RPS6: variants seen among roughly 807,000 people sequenced by gnomAD.
RPS6 encodes the protein ribosomal protein S6, also known as small ribosomal subunit protein eS6.
Under a neutral mutation model 27.1 loss-of-function variants are expected in RPS6, and 1 was observed. That is an observed-to-expected ratio of 0.04 (90% CI 0.01 to 0.18). The LOEUF (loss-of-function observed/expected upper bound fraction) is 0.18, where lower values mean the gene tolerates loss of function less well. Ranked by LOEUF, RPS6 falls within the 10% of genes least tolerant of loss-of-function variation. The probability of loss-of-function intolerance (pLI) is 1.00; values close to 1 mark genes in which losing one functional copy is unlikely to be tolerated. For missense variants in RPS6, 259 were observed against 319.1 expected (o/e 0.81, Z 1.44); for synonymous variants, 152 against 106.0 (o/e 1.43, Z -2.66).
At chr9:19,376,766 A>G (rs1337866527) in intron 4 of RPS6, 115 bp from the exon 5 acceptor site, 5 of 972,318 alleles carry the variant, frequency 5.1e-6, no homozygotes, top group Non-Finnish European at 7.4e-6. Flanking sequence ...ACCTATAATG[A>G]GGCCTTTAAA....
chr9:19,377,977 T>C (rs1235756729), intron 4 of RPS6, among the ~76,000 whole-genome samples: 1 of 152,226 alleles, frequency 6.6e-6, no homozygotes, highest in Non-Finnish European at 1.5e-5. Context: ...GGCAACAGTG[T>C]GACCTCATCT....
intron 4 of RPS6, among the ~76,000 whole-genome samples, chr9:19,378,038 G>A (rs1829618669): frequency 6.6e-6 from 1 of 152,208 alleles, no homozygotes; most frequent in African/African-American, 2.4e-5. Context: ...TACAAAGTGT[G>A]TGGTGCTAAT....
chr9:19,379,643 G>A (rs775148561), intron 1 of RPS6, 25 bp from the exon 2 acceptor site: 11 of 1,602,998 alleles, frequency 6.9e-6, no homozygotes, highest in Non-Finnish European at 8.5e-6. Context: ...GGGGGAAATA[G>A]TTTACGAAAC....
rs749541220 is a variant in RPS6, at chr9:19,376,402, AACAGCAAAC to A, written c.655-23_655-15del. On this transcript the variant is annotated splice_polypyrimidine_tract_variant and intron_variant, in intron 5 of 5. Coordinates refer to ENST00000380394, the MANE Select transcript of RPS6 (RefSeq NM_001010.3). ...CTCCTTAGCCTCCTAAACAAAACAA[AACAGCAAAC>A]AGTTAAGGCCTTTCTGGGTTAAAGA... 15 of 1,613,788 alleles carry A rather than the reference AACAGCAAAC, an allele frequency of 9.3e-6. No individual in the cohort carries two copies. Among genetic ancestry groups the A allele is most frequent in the Middle Eastern group, 1.7e-4 (1 of 6,060 alleles).
In RPS6 at chr9:19,376,552, G is replaced by C. The variant is rs369522516; in HGVS notation, c.596C>G (p.Thr199Ser). 5.0e-5 allele frequency: 80 copies of C among 1,613,952 alleles called. No homozygotes were observed. Among genetic ancestry groups the C allele is most frequent in the Non-Finnish European group, 6.6e-5 (78 of 1,180,032 alleles). The change falls in exon 5 of 6, where the codon ACC (threonine) becomes AGC (serine). Residue 199 changes from threonine (T) to serine (S), a missense_variant. By Grantham distance (58) the Thr-to-Ser change is moderately conservative. Transcript: ENST00000380394. ...RRRIALKKQRTKKNKEEAAEY... is the reference protein window; with the variant it reads ...RRRIALKKQRSKKNKEEAAEY... ...TGCAGCCTCTTCTTTATTTTTCTTG[G>C]TACGCTGCTTCTTCAGAGCAATACG...
chr9:19,379,616 C>G lies in RPS6; in HGVS notation c.9G>C (p.Leu3=), dbSNP rs1213827114. ...AGCCAGTGGCTGGGAAGGAGATGTT[C>G]AGCTAAGGATTAAAAGGGGGGAAAT... MK[L]NISFPATGCQ... is the part of the protein sequence containing the mutation. The change falls in exon 2 of 6, where the codon CTG becomes CTC. Residue 3 remains leucine (L), a splice_region_variant and synonymous_variant. Transcript: ENST00000380394. 6.2e-7 allele frequency: 1 copy of G among 1,612,890 alleles called. No homozygotes were observed. Among genetic ancestry groups the G allele is most frequent in the Admixed American group, 1.7e-5 (1 of 59,846 alleles).
At chr9:19,378,267 C>A in intron 4 of RPS6, 101 bp downstream of exon 4, 1 of 1,192,066 alleles carries the variant, frequency 8.4e-7, no homozygotes, top group Non-Finnish European at 1.2e-6. Context: ...GTGAATAGTG[C>A]TAAGGCCTTC....
At chr9:19,379,237 A>T in intron 2 of RPS6, 5 of 1,330,248 alleles carry the variant, frequency 3.8e-6, no homozygotes, top group Non-Finnish European at 5.0e-6. Context: ...GAGGACAGCT[A>T]TGTGACATAT....
intron 4 of RPS6, 177 bp from the exon 5 acceptor site, chr9:19,376,828 A>G (rs1235176233): frequency 5.7e-6 from 3 of 522,074 alleles, no homozygotes; most frequent in African/African-American, 3.9e-5. Context: ...AGAAATCTAG[A>G]AGATTGGTTA....
intron 3 of RPS6, 24 bp downstream of exon 3, chr9:19,378,684 A>T (rs779981947): frequency 1.1e-4 from 176 of 1,612,202 alleles, no homozygotes; most frequent in Middle Eastern, 9.9e-4. Flanking sequence ...ATTTCAACGA[A>T]AATTGAACAC....
chr9:19,379,910 A>T, intron 1 of RPS6: 1 of 1,425,518 alleles, frequency 7.0e-7, no homozygotes, highest in Non-Finnish European at 9.1e-7. Flanking sequence ...CAAGAGCCGC[A>T]CCACAGGCCT....
At chr9:19,379,866 G>A in intron 1 of RPS6, 1 of 1,424,306 alleles carries the variant, frequency 7.0e-7, no homozygotes, top group South Asian at 1.5e-5. Context: ...GCACTCCGCA[G>A]CCGTTCACCC....
chr9:19,376,704 A>G lies in RPS6; in HGVS notation c.497-53T>C, dbSNP rs1362870066. The G allele has an allele frequency of 3.2e-6, 5 of 1,542,362 alleles. No homozygotes were observed. The African/African-American group carries it at 5.6e-5, about 17-fold the overall frequency. On this transcript the variant is annotated intron_variant, in intron 4 of 5. Transcript: ENST00000380394. ...CAATATTTGTTTTGTTAGAATCCAC[A>G]TCTACTTTAAAAACATCAGAAATAA...
intron 1 of RPS6, 143 bp downstream of exon 1, chr9:19,380,047 C>T (rs985812831): frequency 2.5e-6 from 4 of 1,581,610 alleles, no homozygotes; most frequent in Non-Finnish European, 3.4e-6. Flanking sequence ...GCTCCATGCC[C>T]CAGAAAGGCG....
chr9:19,378,358 TC>T lies in RPS6; in HGVS notation c.496+9del. 1.2e-6 allele frequency: 2 copies of T among 1,610,714 alleles called. No homozygotes were observed. Among genetic ancestry groups the T allele is most frequent in the Non-Finnish European group, 1.7e-6 (2 of 1,179,296 alleles). Reference sequence around the variant, plus strand: ...AATTAAGCAAGCCCTAATTGCATAATCCCTCCTACCTTCTTTATTTAAGGGC... The same window carrying T: ...AATTAAGCAAGCCCTAATTGCATAATCCTCCTACCTTCTTTATTTAAGGGC... On this transcript the variant is annotated intron_variant, in intron 4 of 5. Coordinates refer to ENST00000380394, the MANE Select transcript of RPS6 (RefSeq NM_001010.3).
chr9:19,379,962 G>A, intron 1 of RPS6: 2 of 1,438,470 alleles, frequency 1.4e-6, no homozygotes, highest in Admixed American at 2.8e-5. Context: ...CCGGCTGGGC[G>A]CGGGGACGCC....
At position 19,376,629 on chromosome 9, in the gene RPS6, T is replaced by G; in HGVS notation, c.519A>C (p.Ala173=). The G allele has an allele frequency of 6.2e-7, 1 of 1,612,844 alleles. No homozygotes were observed. Among genetic ancestry groups the G allele is most frequent in the East Asian group, 2.2e-5 (1 of 44,874 alleles). ...NKEGKKPRTK[A]PKIQRLVTPR... The stretch of plus-strand genomic sequence containing the variant: ...GAGTAACAAGACGCTGAATCTTGGG[T>G]GCTTTGGTCCTAGGTTTCTTACCTA... The change falls in exon 5 of 6, where the codon GCA becomes GCC. Residue 173 remains alanine (A), a synonymous_variant. Coordinates refer to ENST00000380394, the MANE Select transcript of RPS6 (RefSeq NM_001010.3).
chr9:19,378,003 T>TA lies in RPS6; in HGVS notation c.496+364dup, dbSNP rs1589013159. On this transcript the variant is annotated intron_variant, in intron 4 of 5. Transcript: ENST00000380394. Reference sequence around the variant, plus strand: ...GACCTCATCTCTTAAAAAATATTAATAATTTAGAACATCTGATATAAAATT... The same window carrying TA: ...GACCTCATCTCTTAAAAAATATTAATAAATTTAGAACATCTGATATAAAATT... 2.0e-5 allele frequency among the ~76,000 whole-genome samples: 3 copies of TA among 152,292 alleles called. No homozygotes were observed. The East Asian group carries it at 5.8e-4, about 29-fold the overall frequency.
At chr9:19,379,845 T>C in intron 1 of RPS6, 3 of 1,426,506 alleles carry the variant, frequency 2.1e-6, no homozygotes, top group Admixed American at 5.8e-5. Context: ...GGAATGACTC[T>C]GGGGGCGAGG....
Sources: gnomAD v4.1 joint callset for allele counts (sites outside exome capture counted in the v4.1 genomes callset) on GRCh38, gnomAD v4.1.1 for gene constraint, MANE v1.5 for transcripts, NCBI Gene and HGNC (gene_info 2026-07-23, HGNC 2026-07-21) for gene names.